Variants in ERLEC1 observed in about 807,000 individuals in gnomAD.
The protein encoded by ERLEC1 is ER lectin.
ERLEC1 carries 47 observed loss-of-function variants against 68.0 expected under a neutral mutation model. The observed-to-expected ratio is 0.69, with a 90% CI of 0.55 to 0.88. The LOEUF (loss-of-function observed/expected upper bound fraction) is 0.88. ERLEC1 is among the 40% of genes least tolerant of loss of function. The pLI, the probability that ERLEC1 is intolerant of heterozygous loss-of-function variation, is 0.00. For missense variants in ERLEC1, 567 were observed against 583.8 expected (o/e 0.97, Z 0.30); for synonymous variants, 225 against 203.2 (o/e 1.11, Z -0.91).
intron 2 of ERLEC1, 89 bp from the exon 3 acceptor site, chr2:53,795,844 G>T: frequency 1.2e-6 from 1 of 805,816 alleles, no homozygotes. Context: ...CTAAGCATTT[G>T]TGATTTGAGT....
At position 53,794,194 on chromosome 2, in the gene ERLEC1, T is replaced by G; in HGVS notation, c.163-151T>G. ...CCCCCGAATCTAAAATTTTTGTTAA[T>G]GTTTGTAGCATATTTTCCCTCCCTT... On this transcript the variant is annotated intron_variant, in intron 1 of 13. Coordinates refer to ENST00000185150, the MANE Select transcript of ERLEC1 (RefSeq NM_015701.5). 3 of 504,300 alleles carry G rather than the reference T, an allele frequency of 5.9e-6. No homozygotes were observed. In the South Asian group the frequency reaches 1.1e-4, roughly 19 times the overall value. The allele number at this position is 504,300 out of a possible 1,614,324, so 31.2% of individuals were successfully genotyped here. A position where few individuals can be genotyped will look rare whatever the true frequency, so the allele number is the denominator to read the frequency against.
chr2:53,791,234 C>A (rs111726878), intron 1 of ERLEC1, among the ~76,000 whole-genome samples: 1 of 152,340 alleles, frequency 6.6e-6, no homozygotes, highest in Non-Finnish European at 1.5e-5. Flanking sequence ...TACCCCAGCA[C>A]CTCTGATTAG....
chr2:53,804,539 G>A (rs1676176605), intron 8 of ERLEC1, among the ~76,000 whole-genome samples: 2 of 152,142 alleles, frequency 1.3e-5, no homozygotes, highest in South Asian at 4.1e-4. Flanking sequence ...GCCTTCCACA[G>A]TGCTGGGATT....
chr2:53,811,589 A>G (rs980830419), intron 10 of ERLEC1, among the ~76,000 whole-genome samples: 4 of 152,208 alleles, frequency 2.6e-5, no homozygotes, highest in Non-Finnish European at 5.9e-5. Flanking sequence ...GCTAGGCACT[A>G]TGTACTTTAC....
intron 8 of ERLEC1, among the ~76,000 whole-genome samples, chr2:53,806,278 A>T (rs1293648931): frequency 6.6e-6 from 1 of 152,226 alleles, no homozygotes; most frequent in African/African-American, 2.4e-5. Flanking sequence ...AATTTTCCTT[A>T]AAAATGAAAA....
chr2:53,808,582 C>A, intron 9 of ERLEC1, 122 bp downstream of exon 9: 2 of 912,124 alleles, frequency 2.2e-6, no homozygotes, highest in South Asian at 1.6e-5. Flanking sequence ...TCCTTTCATC[C>A]CCAAAGAACA....
In ERLEC1 at chr2:53,814,437, A is replaced by G. The variant is rs186412615; in HGVS notation, c.1227-106A>G. 8.7e-5 allele frequency: 54 copies of G among 620,930 alleles called. No individual in the cohort carries two copies. In the African/African-American group the frequency reaches 9.6e-4, roughly 11 times the overall value. 38.5% of individuals were successfully genotyped at this position (620,930 alleles called of 1,614,324 possible). A position where few individuals can be genotyped will look rare whatever the true frequency, so the allele number is the denominator to read the frequency against. ...TATTTTATAGTCAGGTTTTTTTTTA[A>G]CTAATGCAAAACTGATCCCTCTAAC... On this transcript the variant is annotated intron_variant, in intron 11 of 13. Transcript: ENST00000185150.
intron 1 of ERLEC1, among the ~76,000 whole-genome samples, chr2:53,789,602 G>T (rs998030380): frequency 3.9e-5 from 6 of 152,052 alleles, no homozygotes; most frequent in Non-Finnish European, 8.8e-5. Flanking sequence ...AAAATCTAGA[G>T]TGTTCTGTGA....
chr2:53,817,915 C>A lies in ERLEC1; in HGVS notation c.1398C>A (p.Ile466=). The part of the protein sequence containing the change: ...QYILGVESPV[I]CKILDTADEN... The stretch of plus-strand genomic sequence containing the variant: ...TTCTTTAGGTTGAATCTCCAGTGAT[C>A]TGTAAAATCTTAGATACAGCAGATG... Residue 466 remains isoleucine, a synonymous_variant, in exon 14 of 14, where the codon ATC becomes ATA. Coordinates refer to ENST00000185150, the MANE Select transcript of ERLEC1 (RefSeq NM_015701.5). 1 of 1,607,310 alleles carries A rather than the reference C, an allele frequency of 6.2e-7. No individual in the cohort carries two copies. Among genetic ancestry groups the A allele is most frequent in the Non-Finnish European group, 8.5e-7 (1 of 1,174,188 alleles).
Position 53,797,520 on chromosome 2 carries a change from G to A in ERLEC1, c.354G>A (p.Glu118=). ...AATATATCCATCTTTTTTAGATTGAGTCTTATTGGACTTACGAAGTATGTC... is the reference window on the plus strand; with the variant it reads ...AATATATCCATCTTTTTTAGATTGAATCTTATTGGACTTACGAAGTATGTC... ...FKQSSCSYRI[E]SYWTYEVCHG... The change falls in exon 4 of 14, where the codon GAG becomes GAA. Residue 118 remains glutamate (E), a synonymous_variant. Transcript: ENST00000185150. 3.1e-6 allele frequency: 5 copies of A among 1,609,902 alleles called. No individual in the cohort carries two copies. Among genetic ancestry groups the A allele is most frequent in the Non-Finnish European group, 4.2e-6 (5 of 1,178,250 alleles).
chr2:53,798,961 T>A, intron 5 of ERLEC1, 86 bp from the exon 6 acceptor site: 1 of 1,128,160 alleles, frequency 8.9e-7, no homozygotes, highest in Non-Finnish European at 1.3e-6. Flanking sequence ...GAAAGAAGAT[T>A]AAGGTTACAA....
intron 6 of ERLEC1, among the ~76,000 whole-genome samples, chr2:53,801,135 T>G (rs766975094): frequency 1.3e-5 from 2 of 152,198 alleles, no homozygotes; most frequent in Non-Finnish European, 2.9e-5. Context: ...TTTATATAAA[T>G]GTACATTTAC....
chr2:53,807,047 C>T (rs752758245), intron 8 of ERLEC1, among the ~76,000 whole-genome samples: 7 of 152,186 alleles, frequency 4.6e-5, no homozygotes, highest in Non-Finnish European at 8.8e-5. Flanking sequence ...TTCCTTCTTC[C>T]TTGCCACTGC....
intron 5 of ERLEC1, 24 bp downstream of exon 5, chr2:53,797,819 A>G (rs1236538129): frequency 6.3e-7 from 1 of 1,587,254 alleles, no homozygotes; most frequent in East Asian, 2.2e-5. Context: ...CAGTGATTTG[A>G]CAGTAATGCT....
chr2:53,795,265 T>C (rs1278245116), intron 2 of ERLEC1, among the ~76,000 whole-genome samples: 3 of 152,208 alleles, frequency 2.0e-5, no homozygotes, highest in Non-Finnish European at 4.4e-5. Context: ...GGCTGAGGTA[T>C]AGGCTATAGC....
At chr2:53,789,454 A>G (rs935982684) in intron 1 of ERLEC1, among the ~76,000 whole-genome samples, 11 of 151,402 alleles carry the variant, frequency 7.3e-5, no homozygotes, top group African/African-American at 2.4e-4. Flanking sequence ...AGGTATTTAT[A>G]GGCATGATTA....
chr2:53,793,525 ACT>A (rs1339001108), intron 1 of ERLEC1, among the ~76,000 whole-genome samples: 2 of 152,160 alleles, frequency 1.3e-5, no homozygotes, highest in African/African-American at 2.4e-5. Flanking sequence ...CTAAATATTT[ACT>A]CTCTGGCCCT....
chr2:53,787,504 G>C, intron 1 of ERLEC1, 132 bp downstream of exon 1: 1 of 1,075,866 alleles, frequency 9.3e-7, no homozygotes, highest in Non-Finnish European at 1.3e-6. Context: ...AGCCAAAGCT[G>C]CTTTTATGCA....
Position 53,797,802 on chromosome 2 carries a change from G to A in ERLEC1, c.490+7G>A. 6.2e-7 allele frequency: 1 copy of A among 1,608,466 alleles called. No homozygotes were observed. Among genetic ancestry groups the A allele is most frequent in the Middle Eastern group, 1.9e-4 (1 of 5,270 alleles). ...AACCTTCTATTTGAAAAAGGTTGGT[G>A]TCTACCCAGTGATTTGACAGTAATG... On this transcript the variant is annotated splice_region_variant and intron_variant, in intron 5 of 13. Transcript: ENST00000185150.
Sources: allele counts gnomAD v4.1 joint callset (sites outside exome capture counted in the v4.1 genomes callset), GRCh38; gene constraint gnomAD v4.1.1; transcripts MANE v1.5; gene names NCBI Gene and HGNC (gene_info 2026-07-23, HGNC 2026-07-21).